The following PIK3CG variants were observed in gnomAD, a reference collection of about 807,000 sequenced individuals.
PIK3CG encodes phosphatidylinositol 4,5-bisphosphate 3-kinase catalytic subunit gamma isoform.
PIK3CG carries 55 observed loss-of-function variants against 102.3 expected under a neutral mutation model. The observed-to-expected ratio is 0.54, with a 90% confidence interval of 0.43 to 0.67. The LOEUF (loss-of-function observed/expected upper bound fraction) is 0.67, where lower values mean the gene tolerates loss of function less well. Among genes scored for constraint, PIK3CG ranks in the 30% least tolerant of loss-of-function variants. The pLI is 0.00. For missense variants in PIK3CG, 1,258 were observed against 1,391.8 expected (o/e 0.90, Z 1.53); for synonymous variants, 552 against 540.0 (o/e 1.02, Z -0.31).
rs746696638 is a variant in PIK3CG, at chr7:106,906,204, T to G, written c.*817T>G. ...CCTTTTTCCCTGCCTCCCTTTTTCA[T>G]CAATTGCGATGCTCCCACAACTCTT... On this transcript the variant is annotated 3_prime_UTR_variant, in exon 11 of 11. Coordinates refer to ENST00000496166, the MANE Select transcript of PIK3CG (RefSeq NM_001282426.2). 4.4e-5 allele frequency: 10 copies of G among 228,980 alleles called. No homozygotes were observed. The highest frequency in any genetic ancestry group is 8.6e-5 in the Non-Finnish European group (10 of 115,900). 14.2% of individuals were successfully genotyped at this position (228,980 alleles called of 1,614,324 possible).
Position 106,892,130 on chromosome 7 carries a change from G to A in PIK3CG, c.3030+5838G>A, listed in dbSNP as rs1397408549. 2.0e-5 allele frequency among the ~76,000 whole-genome samples: 3 copies of A among 151,960 alleles called. No individual in the cohort carries two copies. The highest frequency in any genetic ancestry group is 4.4e-5 in the Non-Finnish European group (3 of 67,994). ...GTCATTTTTCTTGCTGGAGACTTGA[G>A]TATTCTCCCAAGCCCAGCCACAGGG... On this transcript the variant is annotated intron_variant, in intron 10 of 10. Coordinates refer to ENST00000496166, the MANE Select transcript of PIK3CG (RefSeq NM_001282426.2). The surrounding 1 kb of genome is among the most constrained non-coding windows in gnomAD (Gnocchi z 5.2).
rs1197739744 is a variant in PIK3CG at position 106,902,223 on chromosome 7, G to A, written c.3031-2886G>A. ...GCCCAGGATGGAGAGTCTGTGCTGT[G>A]GGCCCAAGCCAGGGGTTTCCTGTCT... is the stretch of plus-strand genomic sequence containing the variant. On this transcript the variant is annotated intron_variant, in intron 10 of 10. Coordinates refer to ENST00000496166, the MANE Select transcript of PIK3CG (RefSeq NM_001282426.2). The surrounding 1 kb of genome is among the most constrained non-coding windows in gnomAD (Gnocchi z 4.3). Among the ~76,000 whole-genome samples, 1 of 148,562 alleles carries A rather than the reference G, an allele frequency of 6.7e-6. No homozygotes were observed. The highest frequency in any genetic ancestry group is 1.5e-5 in the Non-Finnish European group (1 of 66,932).
intron 2 of PIK3CG, among the ~76,000 whole-genome samples, chr7:106,871,893 G>GAAAACAT (rs1716368584): frequency 6.6e-6 from 1 of 152,164 alleles, no homozygotes; most frequent in African/African-American, 2.4e-5. Context: ...TTATACTTAA[G>GAAAACAT]AAAACATAAA....
rs1427893262 is a variant in PIK3CG at position 106,884,005 on chromosome 7, A to C, written c.2761-150A>C. On this transcript the variant is annotated intron_variant, in intron 8 of 10. Transcript: ENST00000496166. This position sits in a 1 kb window ranked among gnomAD's most constrained non-coding sequence, Gnocchi z 4.2. ...AAGCAGAGCAATGAGAAAGTTGGCA[A>C]TTCATAGATATAATGCTAATGAAAT... The C allele has an allele frequency of 6.5e-6, 4 of 612,996 alleles. No homozygotes were observed. The highest frequency in any genetic ancestry group is 3.9e-4 in the Middle Eastern group (1 of 2,596). The allele number at this position is 612,996 out of a possible 1,614,324, so 38.0% of individuals were successfully genotyped here. A position where few individuals can be genotyped will look rare whatever the true frequency, so the allele number is the denominator to read the frequency against.
chr7:106,878,021 A>G (rs183435413), intron 5 of PIK3CG, among the ~76,000 whole-genome samples: 108 of 152,270 alleles, frequency 7.1e-4, no homozygotes, highest in Middle Eastern at 6.8e-3. Context: ...TTATTGCCTT[A>G]TATCGGTCCA....
chr7:106,884,687 A>G lies in PIK3CG; in HGVS notation c.2872+421A>G, dbSNP rs1378881396. 3.3e-5 allele frequency among the ~76,000 whole-genome samples: 5 copies of G among 152,166 alleles called. No homozygotes were observed. The South Asian group carries it at 8.3e-4, about 25-fold the overall frequency. ...GATGGTTTCAGGATCATTCAAGAGC[A>G]TTACGTTTATTGCACACTTTTTTTT... On this transcript the variant is annotated intron_variant, in intron 9 of 10. Coordinates refer to ENST00000496166, the MANE Select transcript of PIK3CG (RefSeq NM_001282426.2). This position sits in a 1 kb window ranked among gnomAD's most constrained non-coding sequence, Gnocchi z 4.2.
At position 106,897,229 on chromosome 7, in the gene PIK3CG, A is replaced by G. The variant is rs1309880251; in HGVS notation, c.3031-7880A>G. Among the ~76,000 whole-genome samples, 1 of 152,216 alleles carries G rather than the reference A, an allele frequency of 6.6e-6. No individual in the cohort carries two copies. The stretch of plus-strand genomic sequence containing the variant: ...TTTCAAGTTTCCACAATTTTAAACC[A>G]TGTTCTAATGAACATCCTTATAGAT... On this transcript the variant is annotated intron_variant, in intron 10 of 10. Coordinates refer to ENST00000496166, the MANE Select transcript of PIK3CG (RefSeq NM_001282426.2). This position sits in a 1 kb window ranked among gnomAD's most constrained non-coding sequence, Gnocchi z 4.6.
Position 106,868,234 on chromosome 7 carries a change from CA to C in PIK3CG, c.674del (p.His225ProfsTer34). On this transcript the variant is annotated frameshift_variant, in exon 2 of 11. Transcript: ENST00000496166. LOFTEE classifies it high-confidence loss of function. The surrounding 1 kb of genome is among the most constrained non-coding windows in gnomAD (Gnocchi z 6.2). Reference protein sequence around the residue: ...IANNCIFIVIHRSTTSQTIKV... With the variant: ...IANNCIFIVIXRSTTSQTIKV... ...CAACAACTGCATCTTCATCGTCATT[CA>C]CCGCAGCACCACCAGCCAGACCATT... The C allele has an allele frequency of 6.2e-7, 1 of 1,612,968 alleles. No individual in the cohort carries two copies. The highest frequency in any genetic ancestry group is 8.5e-7 in the Non-Finnish European group (1 of 1,180,024).
At chr7:106,875,976 G>A (rs1226759102) in intron 5 of PIK3CG, among the ~76,000 whole-genome samples, 5 of 148,818 alleles carry the variant, frequency 3.4e-5, no homozygotes, top group South Asian at 2.1e-4. Flanking sequence ...CTGCAGTGGC[G>A]CAATCTCGGC....
At position 106,902,264 on chromosome 7, in the gene PIK3CG, G is replaced by A. The variant is rs1029621534; in HGVS notation, c.3031-2845G>A. Among the ~76,000 whole-genome samples, 5 of 152,096 alleles carry A rather than the reference G, an allele frequency of 3.3e-5. No homozygotes were observed. The South Asian group carries it at 1.0e-3, about 32-fold the overall frequency. On this transcript the variant is annotated intron_variant, in intron 10 of 10. Coordinates refer to ENST00000496166, the MANE Select transcript of PIK3CG (RefSeq NM_001282426.2). The surrounding 1 kb of genome is among the most constrained non-coding windows in gnomAD (Gnocchi z 4.3). Reference sequence around the variant, plus strand: ...TTTCCTGTCTTGTGTCAAGCAATGCGGGGGGTGTGTGGGATGCACGGGAGA... The same window carrying A: ...TTTCCTGTCTTGTGTCAAGCAATGCAGGGGGTGTGTGGGATGCACGGGAGA...
chr7:106,893,868 T>C lies in PIK3CG; in HGVS notation c.3030+7576T>C, dbSNP rs570291705. Among the ~76,000 whole-genome samples the C allele has an allele frequency of 6.6e-6, 1 of 152,312 alleles. No individual in the cohort carries two copies. Among genetic ancestry groups the C allele is most frequent in the African/African-American group, 2.4e-5 (1 of 41,572 alleles). ...TAGTCTTCCACACACCTAGGCTATA[T>C]GATATAGCCTATTGCTCCCAGGCTC... On this transcript the variant is annotated intron_variant, in intron 10 of 10. Transcript: ENST00000496166. The surrounding 1 kb of genome is among the most constrained non-coding windows in gnomAD (Gnocchi z 4.4).
At chr7:106,870,818 AT>A (rs1790509233) in intron 2 of PIK3CG, among the ~76,000 whole-genome samples, 1 of 152,164 alleles carries the variant, frequency 6.6e-6, no homozygotes, top group South Asian at 2.1e-4. Context: ...GAAACATTAC[AT>A]TTGGCTTTGT....
chr7:106,888,627 G>A (rs1003957978), intron 10 of PIK3CG, among the ~76,000 whole-genome samples: 3 of 152,208 alleles, frequency 2.0e-5, no homozygotes, highest in Admixed American at 2.0e-4. Flanking sequence ...CGTTTAGGCA[G>A]TGTGCTCCAC....
intron 10 of PIK3CG, among the ~76,000 whole-genome samples, chr7:106,887,250 T>A (rs910930006): frequency 1.3e-4 from 20 of 152,240 alleles, no homozygotes; most frequent in Non-Finnish European, 4.4e-5. Flanking sequence ...GTAATATACC[T>A]ATGTTATAGC....
Position 106,874,708 on chromosome 7 carries a change from C to A in PIK3CG, c.2296C>A (p.Gln766Lys). The A allele has an allele frequency of 1.9e-6, 3 of 1,608,864 alleles. No individual in the cohort carries two copies. The highest frequency in any genetic ancestry group is 2.6e-6 in the Non-Finnish European group (3 of 1,175,264). The change falls in exon 5 of 11, where the codon CAA becomes AAA. Residue 766 changes from glutamine (Q) to lysine (K), a missense_variant. Gln to Lys is a moderately conservative substitution (Grantham distance 53, BLOSUM62 1). Coordinates refer to ENST00000496166, the MANE Select transcript of PIK3CG (RefSeq NM_001282426.2). This position sits in a 1 kb window ranked among gnomAD's most constrained non-coding sequence, Gnocchi z 4.3. ...ACTTTTGACAATTACAGTTATTTCA[C>A]AACTTAAACAAAAGCTTGAAAACCT... The part of the protein sequence containing the change: ...KYDVSSQVIS[Q>K]LKQKLENLQN...
rs767478026 is a variant in PIK3CG at position 106,884,128 on chromosome 7, A to G, written c.2761-27A>G. ...TGATGCTTTTTGTAGTTAGAAGACA[A>G]CTAATATTCAAATGCATTTTAATTA... is the stretch of plus-strand genomic sequence containing the variant. On this transcript the variant is annotated intron_variant, in intron 8 of 10. Coordinates refer to ENST00000496166, the MANE Select transcript of PIK3CG (RefSeq NM_001282426.2). The surrounding 1 kb of genome is among the most constrained non-coding windows in gnomAD (Gnocchi z 4.2). The G allele has an allele frequency of 6.8e-7, 1 of 1,466,628 alleles. No individual in the cohort carries two copies. The highest frequency in any genetic ancestry group is 1.1e-5 in the South Asian group (1 of 87,264). 90.9% of individuals were successfully genotyped at this position (1,466,628 alleles called of 1,614,324 possible).
At position 106,869,111 on chromosome 7, in the gene PIK3CG, C is replaced by G. The variant is rs2116458085; in HGVS notation, c.1550C>G (p.Ser517Cys). Residue 517 changes from serine to cysteine, a missense_variant, in exon 2 of 11, where the codon TCC (serine) becomes TGC (cysteine). Transcript: ENST00000496166. This position sits in a 1 kb window ranked among gnomAD's most constrained non-coding sequence, Gnocchi z 5.3. ...GACAAGGAGAACTCAATGTCCATCT[C>G]CATTCTTCTGGACAATTACTGCCAC... ...NPDKENSMSI[S>C]ILLDNYCHPI... The G allele has an allele frequency of 1.9e-6, 3 of 1,614,220 alleles. No homozygotes were observed. The highest frequency in any genetic ancestry group is 2.5e-6 in the Non-Finnish European group (3 of 1,180,040).
intron 6 of PIK3CG, among the ~76,000 whole-genome samples, chr7:106,881,447 T>TAGAG (rs1436856303): frequency 2.0e-5 from 3 of 152,344 alleles, no homozygotes; most frequent in South Asian, 4.1e-4. Flanking sequence ...GTTATTGCCT[T>TAGAG]TGATAAATAT....
chr7:106,880,263 C>T lies in PIK3CG; in HGVS notation c.2538+598C>T, dbSNP rs1335208947. On this transcript the variant is annotated intron_variant, in intron 6 of 10. Coordinates refer to ENST00000496166, the MANE Select transcript of PIK3CG (RefSeq NM_001282426.2). The surrounding 1 kb of genome is among the most constrained non-coding windows in gnomAD (Gnocchi z 4.2). ...TCACAAGTCTGTAAAGTAATATTCT[C>T]CAGATTCTAGTTGGTCAGTGTTGTA... Among the ~76,000 whole-genome samples the T allele has an allele frequency of 6.6e-6, 1 of 152,172 alleles. No homozygotes were observed. The highest frequency in any genetic ancestry group is 1.5e-5 in the Non-Finnish European group (1 of 68,028).
Sources: allele counts gnomAD v4.1 joint callset (sites outside exome capture counted in the v4.1 genomes callset), GRCh38; gene constraint gnomAD v4.1.1; non-coding constraint Gnocchi (gnomAD v3.1); transcripts MANE v1.5; gene names NCBI Gene and HGNC (gene_info 2026-07-23, HGNC 2026-07-21).